Variants in SHISA9 observed in about 807,000 individuals in gnomAD.
SHISA9 encodes shisa family member 9, also known as protein shisa-9.
A neutral mutation model predicts 38.0 loss-of-function variants in SHISA9; 13 were observed. The observed-to-expected ratio is 0.34, with a 90% CI of 0.22 to 0.54. The LOEUF (loss-of-function observed/expected upper bound fraction) is 0.54. Ranked by LOEUF, SHISA9 falls within the 20% of genes least tolerant of loss-of-function variation. SHISA9 has a pLI of 0.91. For synonymous variants in SHISA9, 275 were observed against 242.0 expected (o/e 1.14, Z -1.27); for missense variants, 538 against 575.8 (o/e 0.93, Z 0.67).
At chr16:12,975,279 T>G (rs925881005) in intron 2 of SHISA9, among the ~76,000 whole-genome samples, 27 of 151,796 alleles carry the variant, frequency 1.8e-4, no homozygotes, top group Admixed American at 1.6e-3. Flanking sequence ...TGGCTCACGG[T>G]GAATCACAAG....
intron 2 of SHISA9, among the ~76,000 whole-genome samples, chr16:13,058,238 T>C (rs1233693605): frequency 6.6e-6 from 1 of 152,162 alleles, no homozygotes; most frequent in Non-Finnish European, 1.5e-5. Context: ...ATACAATACC[T>C]GAGAGCTTGT....
chr16:13,387,512 G>A, the SHISA9 span, among the ~76,000 whole-genome samples: 7 of 150,370 alleles, frequency 4.7e-5, no homozygotes, highest in Non-Finnish European at 7.4e-5. Context: ...TTCTTGAGAC[G>A]GAATCTCTCA....
intron 2 of SHISA9, among the ~76,000 whole-genome samples, chr16:13,097,570 C>G (rs1190867918): frequency 6.6e-6 from 1 of 151,980 alleles, no homozygotes; most frequent in African/African-American, 2.4e-5. Flanking sequence ...CCAGCTATTT[C>G]AAAATAAATT....
At chr16:13,087,156 T>G (rs2073721219) in intron 2 of SHISA9, among the ~76,000 whole-genome samples, 1 of 145,276 alleles carries the variant, frequency 6.9e-6, no homozygotes, top group South Asian at 2.2e-4. Flanking sequence ...TCTTTTTTTT[T>G]TTTTTTTTTT....
rs192518361 is a variant in SHISA9 at position 12,998,382 on chromosome 16, G to A, written c.691+81567G>A. 2.7e-4 allele frequency among the ~76,000 whole-genome samples: 41 copies of A among 152,310 alleles called. No homozygotes were observed. The East Asian group carries it at 3.3e-3, about 12-fold the overall frequency. On this transcript the variant is annotated intron_variant, in intron 2 of 4. Transcript: ENST00000558583. ...TCTTGGCTGGTAAACAGCTTTTCCC[G>A]ATGTGGTAATTCATGACCCAGCCTC... is the stretch of plus-strand genomic sequence containing the variant.
At chr16:13,295,274 T>C in the SHISA9 span, among the ~76,000 whole-genome samples, 2 of 152,318 alleles carry the variant, frequency 1.3e-5, no homozygotes, top group East Asian at 1.9e-4. Flanking sequence ...TGAATTTGAC[T>C]GTGGATCTCT....
chr16:13,262,678 GAGGAAGGA>G, the SHISA9 span, among the ~76,000 whole-genome samples: 6 of 55,900 alleles, frequency 1.1e-4, no homozygotes, highest in East Asian at 1.9e-3. Flanking sequence ...GGAAGGGAGG[GAGGAAGGA>G]AGGAAGGAAG....
intron 2 of SHISA9, among the ~76,000 whole-genome samples, chr16:12,967,384 GA>G (rs1173675832): frequency 6.6e-6 from 1 of 152,038 alleles, no homozygotes; most frequent in Non-Finnish European, 1.5e-5. Context: ...ACAGGAAGGG[GA>G]ACATCACATA....
chr16:13,478,399 C>A, the SHISA9 span, among the ~76,000 whole-genome samples: 1 of 152,184 alleles, frequency 6.6e-6, no homozygotes, highest in Non-Finnish European at 1.5e-5. Flanking sequence ...ACCCTAAGAA[C>A]CAGGCTTTCC....
chr16:13,247,947 G>A, the SHISA9 span, among the ~76,000 whole-genome samples: 122 of 152,306 alleles, frequency 8.0e-4, no homozygotes, highest in Non-Finnish European at 1.0e-3. Flanking sequence ...TACAATGTGC[G>A]GGTGCCTTAT....
the SHISA9 span, among the ~76,000 whole-genome samples, chr16:13,378,652 C>T: frequency 4.6e-5 from 7 of 152,312 alleles, no homozygotes; most frequent in Admixed American, 3.3e-4. Flanking sequence ...CTTTTCCTAT[C>T]TTTCTCCTCT....
At chr16:13,294,248 T>G in the SHISA9 span, among the ~76,000 whole-genome samples, 1 of 152,202 alleles carries the variant, frequency 6.6e-6, no homozygotes, top group Non-Finnish European at 1.5e-5. Context: ...TTATTATATA[T>G]CACATGACCA....
At chr16:13,455,751 T>A in the SHISA9 span, among the ~76,000 whole-genome samples, 1 of 152,140 alleles carries the variant, frequency 6.6e-6, no homozygotes, top group Non-Finnish European at 1.5e-5. Flanking sequence ...TTTTAGTGGA[T>A]CTAAAAGGGC....
At chr16:13,441,652 C>A in the SHISA9 span, among the ~76,000 whole-genome samples, 1 of 152,056 alleles carries the variant, frequency 6.6e-6, no homozygotes, top group South Asian at 2.1e-4. Context: ...ATTGTGATTC[C>A]CCTGTCCAGT....
At chr16:12,979,917 T>C (rs544035979) in intron 2 of SHISA9, among the ~76,000 whole-genome samples, 16 of 152,332 alleles carry the variant, frequency 1.1e-4, no homozygotes, top group Admixed American at 7.2e-4. Context: ...GTTGATATTA[T>C]CTATTCTCAA....
the SHISA9 span, among the ~76,000 whole-genome samples, chr16:13,454,441 G>A: frequency 3.3e-3 from 498 of 152,244 alleles, 6 homozygotes; most frequent in African/African-American, 0.012. Context: ...ATTAAATATC[G>A]TAATAGAAAG....
chr16:13,382,065 G>A, the SHISA9 span, among the ~76,000 whole-genome samples: 1 of 152,052 alleles, frequency 6.6e-6, no homozygotes, highest in South Asian at 2.1e-4. Context: ...ATATAATCAG[G>A]GACGGTATGG....
At chr16:13,410,617 GT>G in the SHISA9 span, among the ~76,000 whole-genome samples, 1 of 152,090 alleles carries the variant, frequency 6.6e-6, no homozygotes, top group Non-Finnish European at 1.5e-5. Flanking sequence ...CAAAAAAAAA[GT>G]GTTTGCCAGA....
the SHISA9 span, among the ~76,000 whole-genome samples, chr16:13,320,112 G>A: frequency 2.0e-5 from 3 of 151,582 alleles, no homozygotes; most frequent in East Asian, 2.0e-4. Context: ...CCAACATGGT[G>A]AAACCCCGTC....
Sources: gnomAD v4.1 joint callset for allele counts (sites outside exome capture counted in the v4.1 genomes callset) on GRCh38, gnomAD v4.1.1 for gene constraint, MANE v1.5 for transcripts, NCBI Gene and HGNC (gene_info 2026-07-23, HGNC 2026-07-21) for gene names.